The following RIF1 variants were observed in gnomAD, a reference collection of about 807,000 sequenced individuals.
RIF1 encodes the protein replication timing regulatory factor 1, also known as telomere-associated protein RIF1.
In RIF1, 45 loss-of-function variants were observed where a neutral mutation model predicts 247.1. The observed-to-expected ratio is 0.18, with a 90% CI of 0.14 to 0.23. The LOEUF is 0.23. Ranked by LOEUF, RIF1 falls within the 10% of genes least tolerant of loss-of-function variation. The pLI, the probability that RIF1 is intolerant of heterozygous loss-of-function variation, is 1.00. For synonymous variants in RIF1, 1,087 were observed against 978.8 expected, an observed-to-expected ratio of 1.11 and a Z score of -2.06; for missense variants, 2,967 against 2,862.5, an observed-to-expected ratio of 1.04 and a Z score of -0.83.
chr2:151,434,814 G>A (rs1464820443), intron 10 of RIF1, among the ~76,000 whole-genome samples: 1 of 151,850 alleles, frequency 6.6e-6, no homozygotes, highest in African/African-American at 2.4e-5. Flanking sequence ...ACTTATTTTG[G>A]ATTTTGGGGG....
chr2:151,513,987 T>G, the RIF1 span, among the ~76,000 whole-genome samples: 1 of 152,240 alleles, frequency 6.6e-6, no homozygotes, highest in Non-Finnish European at 1.5e-5. Flanking sequence ...ACATCTAGTT[T>G]GGTACATAAC....
At position 151,464,936 on chromosome 2, in the gene RIF1, A is replaced by G. The variant is rs1234835066; in HGVS notation, c.5416A>G (p.Thr1806Ala). ...TTTGGGTCTCAAAGAGGATAATGAT[A>G]CTATTAATGATTCATTAATTGTTTC... ...FHLGLKEDND[T>A]INDSLIVSET... The change falls in exon 30 of 36, where the codon ACT becomes GCT. Residue 1806 changes from threonine to alanine, a missense_variant. Transcript: ENST00000444746. The G allele has an allele frequency of 6.4e-7, 1 of 1,571,546 alleles. No individual in the cohort carries two copies.
At chr2:151,431,184 A>G (rs1025555288) in intron 9 of RIF1, among the ~76,000 whole-genome samples, 1 of 152,216 alleles carries the variant, frequency 6.6e-6, no homozygotes, top group Non-Finnish European at 1.5e-5. Context: ...AAGGAATCAG[A>G]TGACTGTATT....
chr2:151,524,408 T>C, the RIF1 span: 1 of 1,614,006 alleles, frequency 6.2e-7, no homozygotes, highest in Non-Finnish European at 8.5e-7. Context: ...CTTGGCTCTG[T>C]ACTCCACCTG....
intron 25 of RIF1, among the ~76,000 whole-genome samples, chr2:151,459,201 ACTAAGCCATAT>A (rs564443021): frequency 9.9e-4 from 150 of 152,230 alleles, no homozygotes; most frequent in Non-Finnish European, 1.8e-3. Context: ...AATAATGGTT[ACTAAGCCATAT>A]CTAAGCCAGA....
intron 9 of RIF1, chr2:151,492,353 G>A (rs201022605): frequency 5.7e-6 from 9 of 1,587,358 alleles, no homozygotes; most frequent in African/African-American, 5.4e-5. Flanking sequence ...ATTCTGACAG[G>A]CAGCCAGCCA....
the RIF1 span, chr2:151,518,277 T>C: frequency 7.3e-7 from 1 of 1,376,962 alleles, no homozygotes; most frequent in Non-Finnish European, 1.0e-6. Context: ...GTACTGTGGA[T>C]GAATGTGCGC....
chr2:151,462,131 C>T, intron 27 of RIF1, 111 bp from the exon 28 acceptor site: 2 of 620,990 alleles, frequency 3.2e-6, no homozygotes, highest in Non-Finnish European at 5.1e-6. Context: ...CCTCAACCTC[C>T]CAAAGTGCTG....
intron 12 of RIF1, among the ~76,000 whole-genome samples, chr2:151,504,896 G>A (rs187535260): frequency 1.3e-5 from 2 of 152,196 alleles, no homozygotes; most frequent in African/African-American, 4.8e-5. Flanking sequence ...ATATACCATT[G>A]TAGGTAGATC....
intron 30 of RIF1, among the ~76,000 whole-genome samples, chr2:151,466,321 T>C (rs1193917912): frequency 1.3e-5 from 2 of 152,236 alleles, no homozygotes; most frequent in African/African-American, 4.8e-5. Flanking sequence ...GATAAGTCTT[T>C]CATTTTACAA....
intron 18 of RIF1, 50 bp from the exon 19 acceptor site, chr2:151,445,288 A>T: frequency 9.7e-7 from 1 of 1,034,716 alleles, no homozygotes; most frequent in South Asian, 1.3e-5. Flanking sequence ...ACTACTTAGG[A>T]TTAGAATAAG....
At chr2:151,455,285 A>C in intron 22 of RIF1, 126 bp downstream of exon 22, 1 of 618,422 alleles carries the variant, frequency 1.6e-6, no homozygotes, top group Non-Finnish European at 2.7e-6. Flanking sequence ...GAGGATAATA[A>C]ACTACACTTT....
In RIF1 at chr2:151,507,202, C is replaced by T. The variant is rs563925147; in HGVS notation, c.*1028-527C>T. 2.3e-3 allele frequency: 1,232 copies of T among 540,160 alleles called. 5 individuals are homozygous for T. The highest frequency in any genetic ancestry group is 7.5e-3 in the Middle Eastern group (15 of 2,004). 33.5% of individuals were successfully genotyped at this position (540,160 alleles called of 1,614,324 possible). On this transcript the variant is annotated intron_variant and NMD_transcript_variant, in intron 13 of 13. Transcript: ENST00000454583. ...TTGTGGAGAAACTAATTTTAAAAAA[C>T]ATATAAAGCTAGGGGTTTGTTTTTG...
At chr2:151,438,991 A>G (rs1371836618) in intron 14 of RIF1, among the ~76,000 whole-genome samples, 1 of 152,214 alleles carries the variant, frequency 6.6e-6, no homozygotes, top group Non-Finnish European at 1.5e-5. Flanking sequence ...TTAACTACTG[A>G]TAACTTACTA....
chr2:151,525,911 G>C, the RIF1 span: 1 of 1,429,154 alleles, frequency 7.0e-7, no homozygotes, highest in Non-Finnish European at 9.9e-7. Context: ...AGATTCTACA[G>C]TCAAGTGGCA....
chr2:151,474,118 G>C (rs374960392), intron 35 of RIF1, 46 bp downstream of exon 35: 2 of 882,964 alleles, frequency 2.3e-6, no homozygotes, highest in South Asian at 2.9e-5. Flanking sequence ...AAGATCAGCT[G>C]ACTTTCTTGA....
chr2:151,423,088 C>A, intron 8 of RIF1, 46 bp downstream of exon 8: 1 of 1,005,760 alleles, frequency 9.9e-7, no homozygotes, highest in Non-Finnish European at 1.6e-6. Context: ...ACATGCTGGA[C>A]TCTTTATTTT....
chr2:151,525,083 ACAC>A, the RIF1 span: 1 of 1,005,254 alleles, frequency 9.9e-7, no homozygotes, highest in Non-Finnish European at 1.6e-6. Flanking sequence ...GAGTGACCAC[ACAC>A]TGGAACAAGA....
chr2:151,498,509 A>G (rs1465778377), intron 10 of RIF1, among the ~76,000 whole-genome samples: 1 of 152,218 alleles, frequency 6.6e-6, no homozygotes, highest in African/African-American at 2.4e-5. Context: ...TTGAGCCTAA[A>G]GACATCTTCA....
Sources: allele counts gnomAD v4.1 joint callset (sites outside exome capture counted in the v4.1 genomes callset), GRCh38; gene constraint gnomAD v4.1.1; transcripts MANE v1.5; gene names NCBI Gene and HGNC (gene_info 2026-07-23, HGNC 2026-07-21).